Variants in ITPK1 observed in about 807,000 individuals in gnomAD.
ITPK1 encodes inositol 1,3,4-trisphosphate 5/6-kinase.
A neutral mutation model predicts 45.3 loss-of-function variants in ITPK1; 21 were observed. The observed-to-expected ratio is 0.46, with a 90% CI of 0.33 to 0.67. ITPK1 has a LOEUF of 0.67. Ranked by LOEUF, ITPK1 falls within the 30% of genes least tolerant of loss-of-function variation. The pLI is 0.02. For synonymous variants in ITPK1, 258 were observed against 253.6 expected (o/e 1.02, Z -0.16); for missense variants, 474 against 573.5 (o/e 0.83, Z 1.77).
At chr14:93,085,419 T>G (rs1891610828) in intron 2 of ITPK1, among the ~76,000 whole-genome samples, 1 of 152,208 alleles carries the variant, frequency 6.6e-6, no homozygotes, top group East Asian at 1.9e-4. Flanking sequence ...CGCCCCTCAG[T>G]GCAGGCACAG....
chr14:93,045,447 G>A (rs1889732498), intron 3 of ITPK1, among the ~76,000 whole-genome samples: 1 of 152,214 alleles, frequency 6.6e-6, no homozygotes, highest in African/African-American at 2.4e-5. Context: ...ACCAGGATGG[G>A]GGAAGATTAG....
chr14:93,088,441 G>A (rs1891739304), intron 2 of ITPK1, among the ~76,000 whole-genome samples: 1 of 148,792 alleles, frequency 6.7e-6, no homozygotes, highest in African/African-American at 2.5e-5. Flanking sequence ...CTGGGTTCAA[G>A]CAATTCTCCC....
At position 92,940,796 on chromosome 14, in the gene ITPK1, G is replaced by A; in HGVS notation, c.*765C>T. The A allele has an allele frequency of 7.8e-7, 1 of 1,287,578 alleles. No individual in the cohort carries two copies. Among genetic ancestry groups the A allele is most frequent in the Non-Finnish European group, 1.0e-6 (1 of 987,908 alleles). 79.8% of individuals were successfully genotyped at this position (1,287,578 alleles called of 1,614,324 possible). On this transcript the variant is annotated 3_prime_UTR_variant, in exon 11 of 11. Transcript: ENST00000267615. ...CCTCAGCACAGGCGCCATCGGCTCG[G>A]GCCTCCAGCCAGGCAGCCTCCTTCC...
rs1262060054 is a variant in ITPK1, at chr14:93,065,566, C to A, written c.120+11029G>T. Among the ~76,000 whole-genome samples, 3 of 152,344 alleles carry A rather than the reference C, an allele frequency of 2.0e-5. No individual in the cohort carries two copies. The East Asian group carries it at 5.8e-4, about 29-fold the overall frequency. On this transcript the variant is annotated intron_variant, in intron 3 of 10. Transcript: ENST00000267615. ...GGCTTAGAGGGGGCAAGTAACCTGT[C>A]CAGTTCTAAGTCCAGGGCCCAAGTG...
At chr14:92,994,770 G>C (rs923039595) in intron 4 of ITPK1, among the ~76,000 whole-genome samples, 12 of 152,196 alleles carry the variant, frequency 7.9e-5, no homozygotes, top group African/African-American at 2.7e-4. Flanking sequence ...CAGGGAAAAA[G>C]CTGGCCTGAA....
At chr14:93,113,459 T>C (rs1892825418) in intron 2 of ITPK1, among the ~76,000 whole-genome samples, 1 of 152,058 alleles carries the variant, frequency 6.6e-6, no homozygotes, top group South Asian at 2.1e-4. Flanking sequence ...CAGACAGCAG[T>C]ACAAAGGGTG....
chr14:92,981,013 T>C (rs1388559757), intron 5 of ITPK1, among the ~76,000 whole-genome samples: 1 of 152,150 alleles, frequency 6.6e-6, no homozygotes, highest in Non-Finnish European at 1.5e-5. Flanking sequence ...CGGCCTCTCT[T>C]GTAGTTTTTC....
chr14:93,013,355 C>A (rs1425876126), intron 4 of ITPK1, among the ~76,000 whole-genome samples: 2 of 152,198 alleles, frequency 1.3e-5, no homozygotes, highest in Non-Finnish European at 2.9e-5. Flanking sequence ...TGACAAGCAG[C>A]TTTAATGTTC....
intron 3 of ITPK1, among the ~76,000 whole-genome samples, chr14:93,031,646 G>C (rs1389362148): frequency 6.6e-6 from 1 of 152,146 alleles, no homozygotes; most frequent in East Asian, 1.9e-4. Flanking sequence ...ACCCCCCTAA[G>C]GCCTCCTGGT....
intron 8 of ITPK1, among the ~76,000 whole-genome samples, chr14:92,957,324 A>G (rs1361238601): frequency 6.6e-6 from 1 of 152,244 alleles, no homozygotes; most frequent in African/African-American, 2.4e-5. Flanking sequence ...GTCCTCCTGG[A>G]AAGCTACTTA....
intron 3 of ITPK1, among the ~76,000 whole-genome samples, chr14:93,062,845 G>C (rs1595180548): frequency 6.6e-6 from 1 of 152,208 alleles, no homozygotes; most frequent in Admixed American, 6.5e-5. Context: ...GATATACTGG[G>C]TGGGCAGGGG....
chr14:92,944,565 C>A (rs567117226), intron 10 of ITPK1, among the ~76,000 whole-genome samples: 10 of 152,320 alleles, frequency 6.6e-5, no homozygotes, highest in African/African-American at 2.2e-4. Flanking sequence ...AAGCTTCCCA[C>A]CCTCTCCTGT....
intron 3 of ITPK1, among the ~76,000 whole-genome samples, chr14:93,039,347 G>A (rs1023773277): frequency 5.9e-5 from 9 of 152,052 alleles, no homozygotes; most frequent in Non-Finnish European, 8.8e-5. Context: ...TCAACAAGAC[G>A]CCTCCTCTTT....
chr14:93,061,276 T>C (rs1478316052), intron 3 of ITPK1, among the ~76,000 whole-genome samples: 1 of 152,236 alleles, frequency 6.6e-6, no homozygotes, highest in Non-Finnish European at 1.5e-5. Context: ...AGGTTGGTGT[T>C]ACGACAACCC....
At position 93,014,572 on chromosome 14, in the gene ITPK1, C is replaced by G. The variant is rs1888079650; in HGVS notation, c.246+2104G>C. ...CCACCCAAGGAGGAAGGAACTGAGGCTGTGGGGAGGCACGCGGTTCCTAAG... is the reference window on the plus strand; with the variant it reads ...CCACCCAAGGAGGAAGGAACTGAGGGTGTGGGGAGGCACGCGGTTCCTAAG... On this transcript the variant is annotated intron_variant, in intron 4 of 10. Coordinates refer to ENST00000267615, the MANE Select transcript of ITPK1 (RefSeq NM_014216.6). The surrounding 1 kb of genome is among the most constrained non-coding windows in gnomAD (Gnocchi z 4.4). 2.0e-5 allele frequency among the ~76,000 whole-genome samples: 3 copies of G among 152,218 alleles called. 1 individual carries two copies. In the South Asian group the frequency reaches 6.2e-4, roughly 32 times the overall value.
chr14:92,974,591 G>A (rs147826063), intron 5 of ITPK1, among the ~76,000 whole-genome samples: 2 of 152,202 alleles, frequency 1.3e-5, no homozygotes, highest in Non-Finnish European at 2.9e-5. Flanking sequence ...CCAATCCAAG[G>A]TGCACAGTCT....
intron 5 of ITPK1, among the ~76,000 whole-genome samples, chr14:92,974,636 C>T (rs1183399554): frequency 6.6e-6 from 1 of 152,252 alleles, no homozygotes; most frequent in Non-Finnish European, 1.5e-5. Flanking sequence ...CTCTCATGGG[C>T]ATCGGGCGTA....
At chr14:92,977,864 T>A (rs151268485) in intron 5 of ITPK1, among the ~76,000 whole-genome samples, 1 of 151,824 alleles carries the variant, frequency 6.6e-6, no homozygotes, top group Non-Finnish European at 1.5e-5. Flanking sequence ...AACAAACTAA[T>A]ACAGAAAAAT....
At chr14:92,950,536 AG>A (rs764160444) in intron 9 of ITPK1, among the ~76,000 whole-genome samples, 8 of 152,192 alleles carry the variant, frequency 5.3e-5, no homozygotes, top group Non-Finnish European at 1.2e-4. Flanking sequence ...GGTGAAGGGA[AG>A]GGCCCTGCAG....
Sources: allele counts gnomAD v4.1 joint callset (sites outside exome capture counted in the v4.1 genomes callset), GRCh38; gene constraint gnomAD v4.1.1; non-coding constraint Gnocchi (gnomAD v3.1); transcripts MANE v1.5; gene names NCBI Gene and HGNC (gene_info 2026-07-23, HGNC 2026-07-21).